The following F13A1 variants were observed in gnomAD, a reference collection of about 807,000 sequenced individuals.
F13A1 encodes FSF, A subunit.
Under a neutral mutation model 80.1 loss-of-function variants are expected in F13A1, and 47 were observed. The ratio of observed to expected loss-of-function variants is 0.59; its 90% CI spans 0.46 to 0.75. F13A1 has a LOEUF of 0.75. Ranked by LOEUF, F13A1 falls within the 30% of genes least tolerant of loss-of-function variation. The pLI is 0.00. For missense variants in F13A1, 817 were observed against 930.4 expected (o/e 0.88, Z 1.59); for synonymous variants, 349 against 344.9 (o/e 1.01, Z -0.13).
intron 3 of F13A1, among the ~76,000 whole-genome samples, chr6:6,292,189 G>C (rs1758232927): frequency 6.6e-6 from 1 of 152,194 alleles, no homozygotes; most frequent in African/African-American, 2.4e-5. Flanking sequence ...CAGCACCTCT[G>C]CACAGCAACA....
chr6:6,197,250 C>T lies in F13A1; in HGVS notation c.1189G>A (p.Asp397Asn). The T allele has an allele frequency of 6.2e-7, 1 of 1,614,200 alleles. No individual in the cohort carries two copies. The highest frequency in any genetic ancestry group is 8.5e-7 in the Non-Finnish European group (1 of 1,180,032). Residue 397 changes from aspartate (D) to asparagine (N), a missense_variant, in exon 9 of 15, where the codon GAC becomes AAC. By Grantham distance (23) the Asp-to-Asn change is conservative. Coordinates refer to ENST00000264870, the MANE Select transcript of F13A1 (RefSeq NM_000129.4). ...TCGCTATTTTCCTGGGGGGTGCTGT[C>T]CACAGCTTGCCAGCCTCCAAATCCA... ...PVGFGGWQAV[D>N]STPQENSDGM...
At position 6,162,502 on chromosome 6, in the gene F13A1, A is replaced by G. The variant is rs943751650; in HGVS notation, c.1908+4956T>C. Among the ~76,000 whole-genome samples, 3 of 152,214 alleles carry G rather than the reference A, an allele frequency of 2.0e-5. No homozygotes were observed. The highest frequency in any genetic ancestry group is 7.2e-5 in the African/African-American group (3 of 41,454). ...GAATACAAAACTCTCTGCAAAGTCA[A>G]TGACCACCTCTGCTTTTTGTGATAG... On this transcript the variant is annotated intron_variant, in intron 13 of 14. Coordinates refer to ENST00000264870, the MANE Select transcript of F13A1 (RefSeq NM_000129.4). The surrounding 1 kb of genome is among the most constrained non-coding windows in gnomAD (Gnocchi z 4.2).
At position 6,218,503 on chromosome 6, in the gene F13A1, G is replaced by C. The variant is rs557243251; in HGVS notation, c.1112+3530C>G. On this transcript the variant is annotated intron_variant, in intron 8 of 14. Coordinates refer to ENST00000264870, the MANE Select transcript of F13A1 (RefSeq NM_000129.4). Reference sequence around the variant, plus strand: ...CAGGCGGCCGAAATTGCTCCTTCTGGGATCTGCTACTTTGCATTTGCCCAC... The same window carrying C: ...CAGGCGGCCGAAATTGCTCCTTCTGCGATCTGCTACTTTGCATTTGCCCAC... Among the ~76,000 whole-genome samples the C allele has an allele frequency of 2.6e-5, 4 of 152,242 alleles. No individual in the cohort carries two copies. The East Asian group carries it at 7.7e-4, about 29-fold the overall frequency.
chr6:6,190,445 C>G (rs1201086860), intron 10 of F13A1, among the ~76,000 whole-genome samples: 166 of 150,086 alleles, frequency 1.1e-3, no homozygotes, highest in African/African-American at 3.7e-3. Context: ...TTCTAACAGA[C>G]AGGACCCTCA....
intron 6 of F13A1, among the ~76,000 whole-genome samples, chr6:6,241,092 C>A (rs3024394): frequency 4.6e-5 from 7 of 152,090 alleles, no homozygotes; most frequent in African/African-American, 1.4e-4. Flanking sequence ...CTGCCTTTTT[C>A]TGCTGTTCCA....
chr6:6,297,593 A>T (rs1172730143), intron 3 of F13A1, among the ~76,000 whole-genome samples: 1 of 149,376 alleles, frequency 6.7e-6, no homozygotes, highest in Non-Finnish European at 1.5e-5. Context: ...CGGTGGTGAT[A>T]TCCCCTTTAT....
intron 3 of F13A1, among the ~76,000 whole-genome samples, chr6:6,297,230 C>A (rs977743430): frequency 2.0e-5 from 3 of 151,942 alleles, no homozygotes; most frequent in Non-Finnish European, 2.9e-5. Flanking sequence ...TGTCTCTGCC[C>A]GGCTTTGGTA....
intron 4 of F13A1, among the ~76,000 whole-genome samples, chr6:6,257,235 A>G (rs1757714897): frequency 6.6e-6 from 1 of 152,144 alleles, no homozygotes. Context: ...TCCATCACAA[A>G]GTACATCAAA....
At position 6,302,093 on chromosome 6, in the gene F13A1, C is replaced by T. The variant is rs146435777; in HGVS notation, c.319+3258G>A. On this transcript the variant is annotated intron_variant, in intron 3 of 14. Coordinates refer to ENST00000264870, the MANE Select transcript of F13A1 (RefSeq NM_000129.4). ...ATTCATCTTACCAGTTTTTCTAAGA[C>T]TTCCATTATCATAATTATTTTCTGA... Among the ~76,000 whole-genome samples, 1,129 of 152,278 alleles carry T rather than the reference C, an allele frequency of 7.4e-3. 11 individuals carry two copies. The highest frequency in any genetic ancestry group is 0.035 in the South Asian group (167 of 4,822).
intron 4 of F13A1, among the ~76,000 whole-genome samples, chr6:6,256,578 T>G (rs1757706599): frequency 1.3e-5 from 2 of 152,150 alleles, no homozygotes; most frequent in South Asian, 2.1e-4. Context: ...CTCATTTATT[T>G]TACTGTTCCT....
At chr6:6,305,948 T>C (rs1465750008) in intron 2 of F13A1, among the ~76,000 whole-genome samples, 1 of 152,206 alleles carries the variant, frequency 6.6e-6, no homozygotes, top group Non-Finnish European at 1.5e-5. Context: ...AAGCAGGGAA[T>C]AGCCACTTCA....
chr6:6,283,168 C>T (rs992755181), intron 3 of F13A1, among the ~76,000 whole-genome samples: 7 of 152,170 alleles, frequency 4.6e-5, no homozygotes, highest in Admixed American at 3.9e-4. Context: ...AGTGAGGAAA[C>T]ATCAGTCAAA....
intron 10 of F13A1, among the ~76,000 whole-genome samples, chr6:6,183,599 G>C (rs1356304615): frequency 6.6e-6 from 1 of 152,184 alleles, no homozygotes; most frequent in Admixed American, 6.5e-5. Context: ...AATTCTGTTA[G>C]ATAGTCAGGC....
At chr6:6,159,420 T>A (rs1179019849) in intron 13 of F13A1, among the ~76,000 whole-genome samples, 1 of 152,116 alleles carries the variant, frequency 6.6e-6, no homozygotes, top group Non-Finnish European at 1.5e-5. Context: ...AACATTAGGA[T>A]GGTTGTTAAG....
In F13A1 at chr6:6,294,524, TCA is replaced by T. The variant is rs142401119; in HGVS notation, c.319+10825_319+10826del. On this transcript the variant is annotated intron_variant, in intron 3 of 14. Transcript: ENST00000264870. ...CTTTATATGTATATACACACAACAC[TCA>T]CACACACACACACACATATATATAT... is the stretch of plus-strand genomic sequence containing the variant. Among the ~76,000 whole-genome samples, 140 of 148,598 alleles carry T rather than the reference TCA, an allele frequency of 9.4e-4. 1 individual carries two copies. In the East Asian group the frequency reaches 0.011, roughly 12 times the overall value.
rs184576676 is a variant in F13A1, at chr6:6,205,683, A to G, written c.1113-8357T>C. 2.4e-3 allele frequency among the ~76,000 whole-genome samples: 366 copies of G among 151,052 alleles called. 1 individual carries two copies. The highest frequency in any genetic ancestry group is 4.7e-3 in the Admixed American group (71 of 15,202). ...AGCTTTCTTTTTTTCTTCTCCTTTC[A>G]TTTTTCCCCATGGTGTGATTACGTG... On this transcript the variant is annotated intron_variant, in intron 8 of 14. Transcript: ENST00000264870.
At chr6:6,217,833 A>G (rs1757124790) in intron 8 of F13A1, among the ~76,000 whole-genome samples, 1 of 152,188 alleles carries the variant, frequency 6.6e-6, no homozygotes, top group Admixed American at 6.5e-5. Context: ...CAGGTGTGAA[A>G]GCTGGTTAAT....
chr6:6,177,707 A>G (rs886371591), intron 11 of F13A1, among the ~76,000 whole-genome samples: 3 of 152,144 alleles, frequency 2.0e-5, no homozygotes, highest in Non-Finnish European at 2.9e-5. Context: ...CACTAGGCAC[A>G]GAGGAGAAAC....
At chr6:6,189,946 C>A (rs1275237613) in intron 10 of F13A1, among the ~76,000 whole-genome samples, 3 of 152,136 alleles carry the variant, frequency 2.0e-5, no homozygotes, top group Non-Finnish European at 4.4e-5. Context: ...TTTCTCTAAA[C>A]TTCCCATCTT....
Sources: allele counts gnomAD v4.1 joint callset (sites outside exome capture counted in the v4.1 genomes callset), GRCh38; gene constraint gnomAD v4.1.1; non-coding constraint Gnocchi (gnomAD v3.1); transcripts MANE v1.5; gene names NCBI Gene and HGNC (gene_info 2026-07-23, HGNC 2026-07-21).